KCNH5: variants seen among roughly 807,000 people sequenced by gnomAD.
The protein encoded by KCNH5 is voltage-gated delayed rectifier potassium channel KCNH5.
Under a neutral mutation model 96.1 loss-of-function variants are expected in KCNH5, and 46 were observed. The observed-to-expected ratio is 0.48, with a 90% CI of 0.38 to 0.61. KCNH5 has a LOEUF of 0.61. Ranked by LOEUF, KCNH5 falls within the 20% of genes least tolerant of loss-of-function variation. The probability of loss-of-function intolerance (pLI) is 0.00; values close to 1 mark genes in which losing one functional copy is unlikely to be tolerated. For synonymous variants in KCNH5, 439 were observed against 449.8 expected (o/e 0.98, Z 0.30); for missense variants, 907 against 1,225.8 (o/e 0.74, Z 3.88).
intron 3 of KCNH5, among the ~76,000 whole-genome samples, chr14:63,002,920 C>T (rs776351842): frequency 8.6e-5 from 13 of 152,034 alleles, no homozygotes; most frequent in Non-Finnish European, 5.9e-5. Context: ...TTTTACACAG[C>T]GTGACCAGGA....
intron 8 of KCNH5, among the ~76,000 whole-genome samples, chr14:62,844,987 A>G (rs1887661723): frequency 6.6e-6 from 1 of 152,316 alleles, no homozygotes; most frequent in South Asian, 2.1e-4. Context: ...AAGCAATTGA[A>G]AAAATATACA....
chr14:62,992,500 C>T (rs1276658007), intron 4 of KCNH5, among the ~76,000 whole-genome samples: 1 of 151,774 alleles, frequency 6.6e-6, no homozygotes, highest in Admixed American at 6.6e-5. Context: ...TATTTTTTGT[C>T]TTTTTAATGG....
intron 7 of KCNH5, among the ~76,000 whole-genome samples, chr14:62,859,147 C>T (rs1887985457): frequency 6.6e-6 from 1 of 152,122 alleles, no homozygotes; most frequent in Non-Finnish European, 1.5e-5. Flanking sequence ...GAGGACAAAC[C>T]TCTGCCCTTT....
At chr14:62,990,381 G>A (rs1890787060) in intron 4 of KCNH5, among the ~76,000 whole-genome samples, 1 of 152,070 alleles carries the variant, frequency 6.6e-6, no homozygotes, top group African/African-American at 2.4e-5. Context: ...TCAAATGTCT[G>A]TGTATGTGTG....
chr14:62,761,572 C>T (rs1465650208), intron 10 of KCNH5, among the ~76,000 whole-genome samples: 2 of 151,990 alleles, frequency 1.3e-5, no homozygotes, highest in African/African-American at 2.4e-5. Context: ...TTAGATGTTG[C>T]CTTGGGGGTT....
intron 3 of KCNH5, 62 bp downstream of exon 3, chr14:63,006,304 G>A (rs1046042448): frequency 1.9e-6 from 2 of 1,060,384 alleles, no homozygotes; most frequent in Admixed American, 1.8e-5. Flanking sequence ...GCTCCACTAC[G>A]ACTTACCAAA....
chr14:62,794,835 A>G (rs1169717795), intron 9 of KCNH5, among the ~76,000 whole-genome samples: 1 of 152,110 alleles, frequency 6.6e-6, no homozygotes, highest in East Asian at 1.9e-4. Context: ...AATGAAATTA[A>G]TTCAGATTTA....
chr14:62,990,907 G>A (rs1482654774), intron 4 of KCNH5, among the ~76,000 whole-genome samples: 1 of 152,016 alleles, frequency 6.6e-6, no homozygotes, highest in Non-Finnish European at 1.5e-5. Flanking sequence ...GCCAAGAGGG[G>A]AAAATCCCCT....
intron 8 of KCNH5, among the ~76,000 whole-genome samples, chr14:62,807,716 A>G (rs1380643432): frequency 1.3e-5 from 2 of 151,986 alleles, no homozygotes; most frequent in African/African-American, 4.8e-5. Context: ...AGGATCTTGT[A>G]CCGTAAATTC....
At chr14:62,944,272 AAG>A (rs1889844288) in intron 7 of KCNH5, among the ~76,000 whole-genome samples, 1 of 152,248 alleles carries the variant, frequency 6.6e-6, no homozygotes, top group Admixed American at 6.5e-5. Flanking sequence ...TCTCGAGAAA[AAG>A]AGTCTATCAT....
intron 10 of KCNH5, among the ~76,000 whole-genome samples, chr14:62,733,081 T>G (rs182336702): frequency 4.7e-4 from 72 of 152,258 alleles, no homozygotes; most frequent in Middle Eastern, 3.4e-3. Flanking sequence ...TGTCCATACT[T>G]TGTAAGTAAG....
intron 7 of KCNH5, among the ~76,000 whole-genome samples, chr14:62,850,732 A>G (rs1038108397): frequency 1.3e-5 from 2 of 152,134 alleles, no homozygotes; most frequent in East Asian, 1.9e-4. Flanking sequence ...ACAAACTTCC[A>G]ATCTTCAATA....
intron 8 of KCNH5, among the ~76,000 whole-genome samples, chr14:62,818,908 G>C (rs546104201): frequency 7.9e-4 from 120 of 152,184 alleles, no homozygotes; most frequent in African/African-American, 2.8e-3. Context: ...ACCAAATAAT[G>C]AATCGGTAAA....
At chr14:63,000,632 T>C (rs1890992390) in intron 4 of KCNH5, among the ~76,000 whole-genome samples, 1 of 152,206 alleles carries the variant, frequency 6.6e-6, no homozygotes, top group African/African-American at 2.4e-5. Context: ...AAAAGTCAAC[T>C]ATTACAATTG....
intron 7 of KCNH5, among the ~76,000 whole-genome samples, chr14:62,890,326 T>G (rs542541123): frequency 1.3e-5 from 2 of 152,256 alleles, no homozygotes; most frequent in African/African-American, 4.8e-5. Flanking sequence ...ATTTGCAAAC[T>G]ATGTATCTGG....
rs1056780768 is a variant in KCNH5 at position 62,980,052 on chromosome 14, G to C, written c.942+820C>G. Among the ~76,000 whole-genome samples, 5 of 152,080 alleles carry C rather than the reference G, an allele frequency of 3.3e-5. No homozygotes were observed. In the East Asian group the frequency reaches 9.6e-4, roughly 29 times the overall value. On this transcript the variant is annotated intron_variant, in intron 6 of 10. Transcript: ENST00000322893. ...TGAGGGAGATCTCATGCGATCTGGG[G>C]GTTTTAAAAGTGGCAGTTTCCCCTG...
intron 9 of KCNH5, among the ~76,000 whole-genome samples, chr14:62,800,645 T>C (rs1287316310): frequency 6.6e-6 from 1 of 152,182 alleles, no homozygotes; most frequent in Non-Finnish European, 1.5e-5. Flanking sequence ...ATGTGGACAT[T>C]CAGGAAAATA....
At chr14:62,867,820 T>C (rs1888164120) in intron 7 of KCNH5, among the ~76,000 whole-genome samples, 1 of 152,188 alleles carries the variant, frequency 6.6e-6, no homozygotes, top group Non-Finnish European at 1.5e-5. Context: ...ATGCATTTTC[T>C]GCTCCTGACA....
At chr14:63,023,375 A>G (rs1459206218) in intron 1 of KCNH5, among the ~76,000 whole-genome samples, 1 of 152,166 alleles carries the variant, frequency 6.6e-6, no homozygotes, top group Admixed American at 6.5e-5. Flanking sequence ...CCAATGAACT[A>G]ATACATTTTT....
Sources: gnomAD v4.1 joint callset for allele counts (sites outside exome capture counted in the v4.1 genomes callset) on GRCh38, gnomAD v4.1.1 for gene constraint, MANE v1.5 for transcripts, NCBI Gene and HGNC (gene_info 2026-07-23, HGNC 2026-07-21) for gene names.